Variants in KCNMA1 observed in about 807,000 individuals in gnomAD.
KCNMA1 encodes the protein Calcium-activated potassium channel subunit alpha-1.
A neutral mutation model predicts 140.0 loss-of-function variants in KCNMA1; 29 were observed. The ratio of observed to expected loss-of-function variants is 0.21; its 90% confidence interval spans 0.15 to 0.28. The LOEUF (loss-of-function observed/expected upper bound fraction) is 0.28, where lower values mean the gene tolerates loss of function less well. Among genes scored for constraint, KCNMA1 ranks in the 10% least tolerant of loss-of-function variants. The pLI, the probability that KCNMA1 is intolerant of heterozygous loss-of-function variation, is 1.00. For missense variants in KCNMA1, 880 were observed against 1,602.2 expected, an observed-to-expected ratio of 0.55 and a Z score of 7.70; for synonymous variants, 612 against 611.9, an observed-to-expected ratio of 1.00 and a Z score of 0.00.
intron 1 of KCNMA1, among the ~76,000 whole-genome samples, chr10:77,486,319 G>C (rs569678762): frequency 6.6e-6 from 1 of 152,270 alleles, no homozygotes; most frequent in East Asian, 1.9e-4. Flanking sequence ...AGGCTCTGGA[G>C]TCTTCCTGTT....
At position 76,983,966 on chromosome 10, in the gene KCNMA1, CA is replaced by C. The variant is rs910909881; in HGVS notation, c.2267-13900del. ...GGTTGAAAAATTGGGTATGTGTGGACAAAATAATTTTTAAAAATAGTTTTGC... is the reference window on the plus strand; with the variant it reads ...GGTTGAAAAATTGGGTATGTGTGGACAAATAATTTTTAAAAATAGTTTTGC... On this transcript the variant is annotated intron_variant, in intron 19 of 27. Coordinates refer to ENST00000286628, the MANE Select transcript of KCNMA1 (RefSeq NM_001161352.2). Among the ~76,000 whole-genome samples the C allele has an allele frequency of 4.5e-4, 69 of 152,132 alleles. 1 individual carries two copies. Among genetic ancestry groups the C allele is most frequent in the African/African-American group, 1.6e-3 (67 of 41,528 alleles).
chr10:77,111,981 G>A (rs1460910167), intron 7 of KCNMA1, among the ~76,000 whole-genome samples: 1 of 152,168 alleles, frequency 6.6e-6, no homozygotes, highest in African/African-American at 2.4e-5. Context: ...TGAGGGATCT[G>A]AATTTGTTGT....
At chr10:77,371,131 CTACT>C (rs2094677193) in intron 2 of KCNMA1, among the ~76,000 whole-genome samples, 1 of 152,230 alleles carries the variant, frequency 6.6e-6, no homozygotes, top group Admixed American at 6.5e-5. Context: ...CAAATTCATA[CTACT>C]TACCCAACAC....
At chr10:77,632,087 T>C (rs921106674) in intron 1 of KCNMA1, among the ~76,000 whole-genome samples, 5 of 152,210 alleles carry the variant, frequency 3.3e-5, no homozygotes, top group Admixed American at 6.5e-5. Flanking sequence ...GAAGCAAGAC[T>C]GCTCACAGGT....
intron 6 of KCNMA1, among the ~76,000 whole-genome samples, chr10:77,114,710 C>T (rs2097411049): frequency 6.6e-6 from 1 of 152,240 alleles, no homozygotes; most frequent in South Asian, 2.1e-4. Context: ...CCCCGGCTCT[C>T]AACTCCAGCC....
chr10:77,310,055 G>A (rs1398661749), intron 2 of KCNMA1, among the ~76,000 whole-genome samples: 1 of 152,172 alleles, frequency 6.6e-6, no homozygotes, highest in Non-Finnish European at 1.5e-5. Context: ...GGATTTTCAT[G>A]GGTTGGGAGG....
intron 2 of KCNMA1, among the ~76,000 whole-genome samples, chr10:77,383,453 T>C (rs1043578461): frequency 1.1e-4 from 17 of 151,528 alleles, no homozygotes; most frequent in African/African-American, 3.1e-4. Flanking sequence ...TGATAAAATA[T>C]ACATAAGATA....
intron 1 of KCNMA1, among the ~76,000 whole-genome samples, chr10:77,526,491 T>C (rs777215624): frequency 2.0e-5 from 3 of 152,226 alleles, no homozygotes; most frequent in Non-Finnish European, 4.4e-5. Context: ...TGACATCCTT[T>C]CTTTCTCAAA....
At chr10:76,887,612 T>A in intron 27 of KCNMA1, 97 bp from the exon 28 acceptor site, 2 of 1,411,726 alleles carry the variant, frequency 1.4e-6, no homozygotes, top group Non-Finnish European at 2.0e-6. Flanking sequence ...TACTCAGGAC[T>A]TTCAGAGGAT....
intron 3 of KCNMA1, among the ~76,000 whole-genome samples, chr10:77,203,302 A>G (rs548059816): frequency 6.6e-6 from 1 of 152,326 alleles, no homozygotes; most frequent in African/African-American, 2.4e-5. Flanking sequence ...ATCTGTAAGA[A>G]TGAACAGCAG....
chr10:77,542,317 A>C (rs1023599398), intron 1 of KCNMA1, among the ~76,000 whole-genome samples: 2 of 152,242 alleles, frequency 1.3e-5, no homozygotes, highest in African/African-American at 4.8e-5. Context: ...GAGAGACATA[A>C]GCCCTTCTTC....
intron 2 of KCNMA1, among the ~76,000 whole-genome samples, chr10:77,391,383 A>C: frequency 6.6e-6 from 1 of 152,138 alleles, no homozygotes; most frequent in Admixed American, 6.5e-5. Context: ...GCACAAGGCC[A>C]ATTTTACAAA....
At chr10:77,580,119 T>C (rs952937592) in intron 1 of KCNMA1, among the ~76,000 whole-genome samples, 1 of 152,156 alleles carries the variant, frequency 6.6e-6, no homozygotes, top group Non-Finnish European at 1.5e-5. Context: ...CCGTGGCTCA[T>C]GCCTGTAATC....
intron 1 of KCNMA1, among the ~76,000 whole-genome samples, chr10:77,560,428 C>A (rs913823301): frequency 6.6e-6 from 1 of 152,196 alleles, no homozygotes; most frequent in African/African-American, 2.4e-5. Flanking sequence ...CTTTTGAAAG[C>A]CCCTGATCTA....
At chr10:77,363,209 A>G (rs1431258223) in intron 2 of KCNMA1, among the ~76,000 whole-genome samples, 1 of 152,168 alleles carries the variant, frequency 6.6e-6, no homozygotes. Context: ...CTTCCAATCA[A>G]TAGTGGAATG....
chr10:77,008,247 G>GA (rs1015138437), intron 18 of KCNMA1: 113 of 1,497,548 alleles, frequency 7.5e-5, no homozygotes, highest in South Asian at 6.4e-4. Context: ...GCAGCAAAGA[G>GA]AAAAAAAATA....
downstream of KCNMA1, among the ~76,000 whole-genome samples, chr10:76,883,767 T>C (rs531943272): frequency 7.0e-6 from 1 of 143,760 alleles, no homozygotes. Context: ...CAGGAAGAGA[T>C]ATAATAATAA....
intron 20 of KCNMA1, among the ~76,000 whole-genome samples, chr10:76,956,040 T>C (rs774437985): frequency 6.6e-6 from 1 of 152,102 alleles, no homozygotes; most frequent in East Asian, 1.9e-4. Context: ...TATGTTCCCA[T>C]AATATCAGCA....
At chr10:77,554,831 C>T (rs768783261) in intron 1 of KCNMA1, among the ~76,000 whole-genome samples, 12 of 152,076 alleles carry the variant, frequency 7.9e-5, no homozygotes, top group Admixed American at 5.9e-4. Context: ...TCAACCATTA[C>T]GGCCCATTTT....
Sources: allele counts gnomAD v4.1 joint callset (sites outside exome capture counted in the v4.1 genomes callset), GRCh38; gene constraint gnomAD v4.1.1; transcripts MANE v1.5; gene names NCBI Gene and HGNC (gene_info 2026-07-23, HGNC 2026-07-21).